The following NETO1 variants were observed in gnomAD, a reference collection of about 807,000 sequenced individuals.
NETO1 encodes the protein neuropilin and tolloid-like protein 1.
In NETO1, 26 loss-of-function variants were observed where a neutral mutation model predicts 61.3. That is an observed-to-expected ratio of 0.42 (90% CI 0.31 to 0.59). The LOEUF is 0.59. NETO1 is among the 20% of genes least tolerant of loss of function. The pLI is 0.12. For missense variants in NETO1, 531 were observed against 662.8 expected (o/e 0.80, Z 2.18); for synonymous variants, 225 against 225.8 (o/e 1.00, Z 0.03).
intron 7 of NETO1, among the ~76,000 whole-genome samples, chr18:72,770,668 T>C (rs1251663573): frequency 6.6e-6 from 1 of 152,182 alleles, no homozygotes; most frequent in Non-Finnish European, 1.5e-5. Flanking sequence ...GACTTCAATT[T>C]ACACTTTGGC....
At chr18:72,828,051 G>A (rs1481191179) in intron 4 of NETO1, among the ~76,000 whole-genome samples, 6 of 152,162 alleles carry the variant, frequency 3.9e-5, no homozygotes, top group South Asian at 2.1e-4. Context: ...GGTGGCTCAC[G>A]CCTGTAATCC....
At chr18:72,856,005 T>G (rs1052573689) in intron 4 of NETO1, among the ~76,000 whole-genome samples, 1 of 152,252 alleles carries the variant, frequency 6.6e-6, no homozygotes, top group Non-Finnish European at 1.5e-5. Context: ...CTCAGAATTC[T>G]TAATGAAAAT....
At chr18:72,829,522 A>G (rs1167095816) in intron 4 of NETO1, among the ~76,000 whole-genome samples, 1 of 152,192 alleles carries the variant, frequency 6.6e-6, no homozygotes, top group Non-Finnish European at 1.5e-5. Flanking sequence ...CACACCTGGC[A>G]TTTTCTGAAC....
intron 7 of NETO1, among the ~76,000 whole-genome samples, chr18:72,767,991 T>C (rs1265866955): frequency 6.6e-6 from 1 of 152,182 alleles, no homozygotes; most frequent in Non-Finnish European, 1.5e-5. Context: ...GTTTTCTCTG[T>C]TTTACAGAAA....
intron 4 of NETO1, among the ~76,000 whole-genome samples, chr18:72,808,938 C>T (rs146581551): frequency 5.7e-4 from 87 of 152,318 alleles, no homozygotes; most frequent in African/African-American, 1.8e-3. Flanking sequence ...GAGCCTGGCA[C>T]GGGTGCATGC....
chr18:72,764,869 C>T (rs555200479), intron 7 of NETO1, among the ~76,000 whole-genome samples: 4 of 152,224 alleles, frequency 2.6e-5, no homozygotes, highest in Non-Finnish European at 4.4e-5. Context: ...CCTTTCTTCC[C>T]CGGATACCGT....
At chr18:72,848,486 G>T (rs554827580) in intron 4 of NETO1, among the ~76,000 whole-genome samples, 1 of 152,208 alleles carries the variant, frequency 6.6e-6, no homozygotes, top group South Asian at 2.1e-4. Context: ...CAAGAAATAT[G>T]TTACCGGCTC....
At position 72,867,940 on chromosome 18, in the gene NETO1, G is replaced by A. The variant is rs2074790026; in HGVS notation, c.-649C>T. On this transcript the variant is annotated 5_prime_UTR_variant, in exon 1 of 11. Transcript: ENST00000327305. ...TGAGGCATTGAAGGCAGGAAGAAGG[G>A]GTCCGTCATCGGCTCGCCGGGCTGC... 6.6e-6 allele frequency: 1 copy of A among 151,916 alleles called. No homozygotes were observed. The highest frequency in any genetic ancestry group is 2.4e-5 in the African/African-American group (1 of 41,276). The allele number at this position is 151,916 out of a possible 1,614,324, so 9.4% of individuals were successfully genotyped here.
intron 4 of NETO1, among the ~76,000 whole-genome samples, chr18:72,824,302 A>T (rs72968321): frequency 0.19 from 29,470 of 152,138 alleles, 3,573 homozygotes; most frequent in Non-Finnish European, 0.28. Context: ...GGTAAACTTC[A>T]TTTCTAGTCT....
At chr18:72,823,099 G>C (rs781275603) in intron 4 of NETO1, among the ~76,000 whole-genome samples, 27 of 152,082 alleles carry the variant, frequency 1.8e-4, no homozygotes, top group Admixed American at 6.6e-5. Context: ...GTATCTCACA[G>C]TCTTCTGACT....
In NETO1 at chr18:72,745,952, T is replaced by C. The variant is rs1406378487; in HGVS notation, c.*2227A>G. On this transcript the variant is annotated 3_prime_UTR_variant, in exon 11 of 11. Coordinates refer to ENST00000327305, the MANE Select transcript of NETO1 (RefSeq NM_138966.5). ...CAGTTGTTTTCCCATGAAGCTGCTG[T>C]GTGTTAAATATATGTGAGCTATTCA... The C allele has an allele frequency of 6.6e-6, 1 of 152,198 alleles. No individual in the cohort carries two copies. The highest frequency in any genetic ancestry group is 6.5e-5 in the Admixed American group (1 of 15,268). The allele number at this position is 152,198 out of a possible 1,614,324, so 9.4% of individuals were successfully genotyped here.
chr18:72,744,263 G>A lies in NETO1; in HGVS notation c.*3916C>T, dbSNP rs1329422260. On this transcript the variant is annotated 3_prime_UTR_variant, in exon 11 of 11. Transcript: ENST00000327305. Reference sequence around the variant, plus strand: ...TTGATGATACAATTCAGTTAAATTTGTGGTACAATTCAAACAAGTTTATTA... The same window carrying A: ...TTGATGATACAATTCAGTTAAATTTATGGTACAATTCAAACAAGTTTATTA... 1 of 152,016 alleles carries A rather than the reference G, an allele frequency of 6.6e-6. No homozygotes were observed. The highest frequency in any genetic ancestry group is 1.5e-5 in the Non-Finnish European group (1 of 68,002). The allele number at this position is 152,016 out of a possible 1,614,324, so 9.4% of individuals were successfully genotyped here.
At chr18:72,780,303 C>T (rs1255134968) in intron 7 of NETO1, among the ~76,000 whole-genome samples, 1 of 152,194 alleles carries the variant, frequency 6.6e-6, no homozygotes, top group Non-Finnish European at 1.5e-5. Context: ...GTAGGAAGAA[C>T]ACCCTGTGTC....
At position 72,831,489 on chromosome 18, in the gene NETO1, C is replaced by G. The variant is rs559723340; in HGVS notation, c.469+27337G>C. On this transcript the variant is annotated intron_variant, in intron 4 of 10. Transcript: ENST00000327305. ...TATAAATTTTAACATCTCTGTAATTCTGAAGCTGTATCTCCCTGTGCATAT... is the reference window on the plus strand; with the variant it reads ...TATAAATTTTAACATCTCTGTAATTGTGAAGCTGTATCTCCCTGTGCATAT... 4.6e-5 allele frequency among the ~76,000 whole-genome samples: 7 copies of G among 152,316 alleles called. No individual in the cohort carries two copies. The East Asian group carries it at 1.2e-3, about 25-fold the overall frequency.
intron 7 of NETO1, among the ~76,000 whole-genome samples, chr18:72,778,202 G>A (rs900202658): frequency 5.9e-5 from 9 of 152,118 alleles, no homozygotes; most frequent in Non-Finnish European, 1.0e-4. Context: ...AGAGGCAGGC[G>A]CAGTGATCTC....
At chr18:72,814,811 G>T (rs1475018239) in intron 4 of NETO1, among the ~76,000 whole-genome samples, 1 of 151,698 alleles carries the variant, frequency 6.6e-6, no homozygotes, top group Non-Finnish European at 1.5e-5. Flanking sequence ...AGAGATACAA[G>T]AATTTTAAAT....
rs1352009351 is a variant in NETO1, at chr18:72,750,549, T to A, written c.1054A>T (p.Ile352Phe). Residue 352 changes from isoleucine to phenylalanine, a missense_variant, in exon 9 of 11, where the codon ATC becomes TTC. By Grantham distance (21) the Ile-to-Phe change is conservative. Coordinates refer to ENST00000327305, the MANE Select transcript of NETO1 (RefSeq NM_138966.5). ...GAGATGATAATGAGGATGATCACGA[T>A]GCAGGAAGTCACGCCAATGACAGTC... Reference protein sequence around the residue: ...SGTVIGVTSCIVIILIIISVI... With the variant: ...SGTVIGVTSCFVIILIIISVI... The A allele has an allele frequency of 6.2e-7, 1 of 1,613,656 alleles. No homozygotes were observed. Among genetic ancestry groups the A allele is most frequent in the Non-Finnish European group, 8.5e-7 (1 of 1,179,982 alleles).
intron 4 of NETO1, among the ~76,000 whole-genome samples, chr18:72,851,398 C>T (rs1027181059): frequency 2.1e-5 from 3 of 145,530 alleles, no homozygotes; most frequent in Admixed American, 6.8e-5. Context: ...GCAACAAGAG[C>T]GAAACTCCCT....
At chr18:72,829,633 T>C (rs902512222) in intron 4 of NETO1, among the ~76,000 whole-genome samples, 2 of 152,204 alleles carry the variant, frequency 1.3e-5, no homozygotes, top group Non-Finnish European at 2.9e-5. Flanking sequence ...ATATGCTTAA[T>C]TTTTAGAATA....
Sources: allele counts gnomAD v4.1 joint callset (sites outside exome capture counted in the v4.1 genomes callset), GRCh38; gene constraint gnomAD v4.1.1; transcripts MANE v1.5; gene names NCBI Gene and HGNC (gene_info 2026-07-23, HGNC 2026-07-21).